The following RAB28 variants were observed in gnomAD, a reference collection of about 807,000 sequenced individuals.
The protein encoded by RAB28 is ras-related protein Rab-28.
In RAB28, 24 loss-of-function variants were observed where a neutral mutation model predicts 31.7. The ratio of observed to expected loss-of-function variants is 0.76; its 90% CI spans 0.55 to 1.06. The LOEUF is 1.06. Among genes scored for constraint, RAB28 ranks in the 50% least tolerant of loss-of-function variants. RAB28 has a pLI of 0.00. For missense variants in RAB28, 254 were observed against 258.5 expected (o/e 0.98, Z 0.12); for synonymous variants, 100 against 90.4 (o/e 1.11, Z -0.60).
chr4:13,445,787 T>C (rs1341559743), intron 4 of RAB28, among the ~76,000 whole-genome samples: 1 of 152,198 alleles, frequency 6.6e-6, no homozygotes, highest in Non-Finnish European at 1.5e-5. Context: ...ATGAAGTGTC[T>C]GTGAACCCCT....
intron 4 of RAB28, among the ~76,000 whole-genome samples, chr4:13,399,254 T>C (rs1017639895): frequency 6.6e-6 from 1 of 152,196 alleles, no homozygotes. Flanking sequence ...GTTTCATCCA[T>C]GTCATCCCAA....
intron 4 of RAB28, among the ~76,000 whole-genome samples, chr4:13,458,073 G>T (rs1339859807): frequency 2.6e-5 from 4 of 151,654 alleles, no homozygotes; most frequent in African/African-American, 9.7e-5. Flanking sequence ...TGTCAAAGGG[G>T]GATTTTCAAT....
chr4:13,475,001 G>A lies in RAB28; in HGVS notation c.173-595C>T, dbSNP rs1369044953. Among the ~76,000 whole-genome samples, 4 of 151,586 alleles carry A rather than the reference G, an allele frequency of 2.6e-5. 1 individual carries two copies. Among genetic ancestry groups the A allele is most frequent in the Non-Finnish European group, 5.9e-5 (4 of 67,648 alleles). ...TAACCCACAAAATAGAAACGCATTT[G>A]ATAGCCCTATTCAGAACAAACGTAG... On this transcript the variant is annotated intron_variant, in intron 2 of 6. Coordinates refer to ENST00000330852, the MANE Select transcript of RAB28 (RefSeq NM_001017979.3).
Position 13,429,552 on chromosome 4 carries a change from T to C in RAB28, c.391+31147A>G, listed in dbSNP as rs73819857. Among the ~76,000 whole-genome samples, 1,174 of 151,992 alleles carry C rather than the reference T, an allele frequency of 7.7e-3. 17 individuals carry two copies. The highest frequency in any genetic ancestry group is 0.027 in the African/African-American group (1,113 of 41,304). On this transcript the variant is annotated intron_variant, in intron 4 of 6. Coordinates refer to ENST00000330852, the MANE Select transcript of RAB28 (RefSeq NM_001017979.3). ...AACAACTTTACAACAGAATTAAAAA[T>C]GATAAATTACACAGGAATAAATTTA...
chr4:13,415,108 T>TG (rs1712670618), intron 4 of RAB28, among the ~76,000 whole-genome samples: 4 of 152,344 alleles, frequency 2.6e-5, no homozygotes, highest in Admixed American at 1.3e-4. Flanking sequence ...AGAAGAATCA[T>TG]CATTAATTGC....
intron 4 of RAB28, among the ~76,000 whole-genome samples, chr4:13,443,963 T>A (rs1011724532): frequency 6.6e-6 from 1 of 152,146 alleles, no homozygotes; most frequent in Non-Finnish European, 1.5e-5. Flanking sequence ...TGGCTTATTT[T>A]ACTTAGCATA....
At chr4:13,375,737 C>A (rs1577149111) in intron 6 of RAB28, among the ~76,000 whole-genome samples, 1 of 151,550 alleles carries the variant, frequency 6.6e-6, no homozygotes, top group South Asian at 2.1e-4. Flanking sequence ...ATCAGTGTAA[C>A]AATTTCAAAT....
chr4:13,373,913 C>T (rs1728817001), intron 6 of RAB28, among the ~76,000 whole-genome samples: 1 of 151,714 alleles, frequency 6.6e-6, no homozygotes, highest in Non-Finnish European at 1.5e-5. Context: ...TCGCAACAAC[C>T]ACATGCAGTG....
intron 3 of RAB28, among the ~76,000 whole-genome samples, chr4:13,468,832 C>A: frequency 6.7e-6 from 1 of 148,482 alleles, no homozygotes. Context: ...GTCAGGCTAA[C>A]CAAAAACAAA....
At chr4:13,426,642 T>C (rs1713512420) in intron 4 of RAB28, among the ~76,000 whole-genome samples, 1 of 152,186 alleles carries the variant, frequency 6.6e-6, no homozygotes, top group South Asian at 2.1e-4. Flanking sequence ...ATAGAAACTA[T>C]GACTTATTCA....
At position 13,460,695 on chromosome 4, in the gene RAB28, T is replaced by G. The variant is rs1560141348; in HGVS notation, c.391+4A>C. 2 of 1,613,788 alleles carry G rather than the reference T, an allele frequency of 1.2e-6. No individual in the cohort carries two copies. The highest frequency in any genetic ancestry group is 2.7e-5 in the African/African-American group (2 of 74,894). On this transcript the variant is annotated splice_donor_region_variant and intron_variant, in intron 4 of 6. Transcript: ENST00000330852. ...CCATACATAAACAAGCAGTAATAACTTACTTTTATTGCCTACCAAGGCAAC... is the reference window on the plus strand; with the variant it reads ...CCATACATAAACAAGCAGTAATAACGTACTTTTATTGCCTACCAAGGCAAC...
chr4:13,441,146 C>A (rs909250089), intron 4 of RAB28, among the ~76,000 whole-genome samples: 1 of 152,138 alleles, frequency 6.6e-6, no homozygotes, highest in African/African-American at 2.4e-5. Context: ...GAACATAATG[C>A]CATGTACTCA....
intron 4 of RAB28, among the ~76,000 whole-genome samples, chr4:13,440,516 T>C (rs1361205807): frequency 6.6e-6 from 1 of 152,150 alleles, no homozygotes; most frequent in Non-Finnish European, 1.5e-5. Flanking sequence ...GTCTAAAAAT[T>C]TAATTCCCTT....
At chr4:13,382,979 C>T (rs1380783123) in intron 4 of RAB28, among the ~76,000 whole-genome samples, 7 of 151,966 alleles carry the variant, frequency 4.6e-5, no homozygotes, top group Admixed American at 1.3e-4. Flanking sequence ...GAATTACGGG[C>T]GTGAGCCACA....
chr4:13,446,155 T>C (rs1241184667), intron 4 of RAB28, among the ~76,000 whole-genome samples: 1 of 152,118 alleles, frequency 6.6e-6, no homozygotes, highest in East Asian at 1.9e-4. Context: ...CCTCCGAGTC[T>C]CCTTAGCACC....
chr4:13,372,859 T>C (rs1728767587), intron 6 of RAB28, among the ~76,000 whole-genome samples: 2 of 152,212 alleles, frequency 1.3e-5, no homozygotes, highest in African/African-American at 4.8e-5. Flanking sequence ...CTTGAGCATG[T>C]CTATTACATG....
At chr4:13,458,733 GATAA>G (rs1715438909) in intron 4 of RAB28, among the ~76,000 whole-genome samples, 1 of 152,274 alleles carries the variant, frequency 6.6e-6, no homozygotes, top group African/African-American at 2.4e-5. Context: ...TGCTTAGACA[GATAA>G]ATACTCACCA....
intron 4 of RAB28, among the ~76,000 whole-genome samples, chr4:13,398,422 A>G (rs1286872137): frequency 2.0e-5 from 3 of 152,182 alleles, no homozygotes; most frequent in African/African-American, 7.2e-5. Context: ...CATAAAAAAA[A>G]GAGTGTATTT....
Position 13,412,468 on chromosome 4 carries a change from G to A in RAB28, c.392-30874C>T, listed in dbSNP as rs147045154. Among the ~76,000 whole-genome samples, 339 of 152,170 alleles carry A rather than the reference G, an allele frequency of 2.2e-3. 3 individuals carry two copies. The highest frequency in any genetic ancestry group is 7.3e-3 in the African/African-American group (304 of 41,512). ...ATTCTCACACAAACAACCCTGTGTC[G>A]TAAGAAAAATTATTCTTAACCTAGA... On this transcript the variant is annotated intron_variant, in intron 4 of 6. Transcript: ENST00000330852.
Sources: allele counts gnomAD v4.1 joint callset (sites outside exome capture counted in the v4.1 genomes callset), GRCh38; gene constraint gnomAD v4.1.1; transcripts MANE v1.5; gene names NCBI Gene and HGNC (gene_info 2026-07-23, HGNC 2026-07-21).